The following KLF7 variants were observed in gnomAD, a reference collection of about 807,000 sequenced individuals.
KLF7 encodes KLF transcription factor 7, also known as Krueppel-like factor 7.
In KLF7, 2 loss-of-function variants were observed where a neutral mutation model predicts 27.3. The ratio of observed to expected loss-of-function variants is 0.07; its 90% CI spans 0.03 to 0.23. KLF7 has a LOEUF of 0.23. KLF7 is among the 10% of genes least tolerant of loss of function. The probability of loss-of-function intolerance (pLI) is 1.00; values close to 1 mark genes in which losing one functional copy is unlikely to be tolerated. For missense variants in KLF7, 221 were observed against 394.1 expected (o/e 0.56, Z 3.72); for synonymous variants, 165 against 162.4 (o/e 1.02, Z -0.12).
chr2:207,131,969 C>T (rs569824185), intron 1 of KLF7, among the ~76,000 whole-genome samples: 5 of 152,126 alleles, frequency 3.3e-5, no homozygotes, highest in South Asian at 2.1e-4. Flanking sequence ...GAATCTACCT[C>T]GTGGCAGAAA....
chr2:207,079,784 C>A lies in KLF7; in HGVS notation c.*1429G>T, dbSNP rs533645460. 6.6e-6 allele frequency: 1 copy of A among 152,144 alleles called. No individual in the cohort carries two copies. Among genetic ancestry groups the A allele is most frequent in the Admixed American group, 6.5e-5 (1 of 15,286 alleles). The allele number at this position is 152,144 out of a possible 1,614,324, so 9.4% of individuals were successfully genotyped here. The stretch of plus-strand genomic sequence containing the variant: ...AAGGAAAGAAAGAAACGTGTCTCTC[C>A]TTTTAGACAGCCCATGAGAGAAACA... On this transcript the variant is annotated 3_prime_UTR_variant, in exon 4 of 4. Transcript: ENST00000309446.
chr2:207,123,859 C>T lies in KLF7; in HGVS notation c.648G>A (p.Lys216=). Reference sequence around the variant, plus strand: ...CGTTAAACTGACAGCGGTGAACCCTCTTCTTGTTTTCGGGACATGCTTCAG... The same window carrying T: ...CGTTAAACTGACAGCGGTGAACCCTTTTCTTGTTTTCGGGACATGCTTCAG... ...LGAEACPENK[K]RVHRCQFNGC... is the part of the protein sequence containing the mutation. The change falls in exon 2 of 4, where the codon AAG becomes AAA. Residue 216 remains lysine (K), a synonymous_variant. Coordinates refer to ENST00000309446, the MANE Select transcript of KLF7 (RefSeq NM_003709.4). 6.2e-7 allele frequency: 1 copy of T among 1,614,030 alleles called. No individual in the cohort carries two copies. Among genetic ancestry groups the T allele is most frequent in the Middle Eastern group, 1.7e-4 (1 of 5,942 alleles).
intron 1 of KLF7, among the ~76,000 whole-genome samples, chr2:207,140,629 G>C (rs1236704999): frequency 1.3e-5 from 2 of 152,118 alleles, no homozygotes; most frequent in African/African-American, 4.8e-5. Context: ...CTCTAACCAA[G>C]AGGATCATCA....
intron 2 of KLF7, among the ~76,000 whole-genome samples, chr2:207,115,243 T>C (rs1012085092): frequency 1.3e-5 from 2 of 151,874 alleles, no homozygotes; most frequent in African/African-American, 4.8e-5. Flanking sequence ...TGAGGCTCCA[T>C]AAGGAACCAG....
At chr2:207,154,753 G>T (rs527518953) in intron 1 of KLF7, among the ~76,000 whole-genome samples, 1 of 152,150 alleles carries the variant, frequency 6.6e-6, no homozygotes, top group East Asian at 1.9e-4. Context: ...TTCTTATCAG[G>T]AATTAAGAAC....
rs974894312 is a variant in KLF7 at position 207,076,724 on chromosome 2, G to A, written c.*4489C>T. On this transcript the variant is annotated 3_prime_UTR_variant, in exon 4 of 4. Transcript: ENST00000309446. Reference sequence around the variant, plus strand: ...GAGACATTGATGTATACTCAGGATAGGCCCTCTAGTTTTCAAACTGAGATA... The same window carrying A: ...GAGACATTGATGTATACTCAGGATAAGCCCTCTAGTTTTCAAACTGAGATA... 1 of 152,182 alleles carries A rather than the reference G, an allele frequency of 6.6e-6. No homozygotes were observed. The highest frequency in any genetic ancestry group is 1.5e-5 in the Non-Finnish European group (1 of 68,038). The allele number at this position is 152,182 out of a possible 1,614,324, so 9.4% of individuals were successfully genotyped here. A position where few individuals can be genotyped will look rare whatever the true frequency, so the allele number is the denominator to read the frequency against.
chr2:207,094,016 C>G lies in KLF7; in HGVS notation c.734-5435G>C, dbSNP rs1574434204. ...ATCTCACACATAGGAACCTATCCTC[C>G]TGAGCAATATCCCCTCTGGGAAGCA... is the stretch of plus-strand genomic sequence containing the variant. On this transcript the variant is annotated intron_variant, in intron 2 of 3. Coordinates refer to ENST00000309446, the MANE Select transcript of KLF7 (RefSeq NM_003709.4). Among the ~76,000 whole-genome samples the G allele has an allele frequency of 1.3e-5, 2 of 152,348 alleles. 1 individual carries two copies. Among genetic ancestry groups the G allele is most frequent in the African/African-American group, 4.8e-5 (2 of 41,584 alleles).
At chr2:207,150,317 G>C (rs1456481274) in intron 1 of KLF7, among the ~76,000 whole-genome samples, 2 of 152,118 alleles carry the variant, frequency 1.3e-5, no homozygotes, top group Non-Finnish European at 2.9e-5. Flanking sequence ...AAATTACAAA[G>C]TTTTACGTCC....
intron 1 of KLF7, among the ~76,000 whole-genome samples, chr2:207,164,242 G>A (rs1221240842): frequency 1.3e-5 from 2 of 152,214 alleles, no homozygotes; most frequent in African/African-American, 4.8e-5. Flanking sequence ...AGGAAATTCA[G>A]CCGTTCATTA....
intron 1 of KLF7, among the ~76,000 whole-genome samples, 171 bp downstream of exon 1, chr2:207,165,284 GGGTGGGTGGAGA>G (rs1338686528): frequency 6.6e-6 from 1 of 152,158 alleles, no homozygotes; most frequent in African/African-American, 2.4e-5. Flanking sequence ...ACGAGGTTAG[GGGTGGGTGGAGA>G]GGTAAGCGCA....
chr2:207,149,199 T>C, intron 1 of KLF7: 1 of 1,275,418 alleles, frequency 7.8e-7, no homozygotes, highest in Non-Finnish European at 1.0e-6. Context: ...TTCAATAATT[T>C]TCTGAGGAGA....
At chr2:207,118,172 A>T (rs1300129523) in intron 2 of KLF7, among the ~76,000 whole-genome samples, 1 of 152,220 alleles carries the variant, frequency 6.6e-6, no homozygotes, top group African/African-American at 2.4e-5. Context: ...CCATGTTGTG[A>T]TAATACTGAC....
intron 1 of KLF7, among the ~76,000 whole-genome samples, chr2:207,151,389 G>C (rs987234986): frequency 6.6e-6 from 1 of 151,928 alleles, no homozygotes; most frequent in African/African-American, 2.4e-5. Context: ...TCCGCAAATT[G>C]AGGAGGGCAG....
At chr2:207,171,483 C>T (rs888571407), upstream of KLF7, among the ~76,000 whole-genome samples, 3 of 152,160 alleles carry the variant, frequency 2.0e-5, no homozygotes, top group African/African-American at 7.2e-5. Context: ...TGCTATCAAA[C>T]AGCATTGCAT....
In KLF7 at chr2:207,102,541, A is replaced by G. The variant is rs7599617; in HGVS notation, c.734-13960T>C. Among the ~76,000 whole-genome samples, 851 of 152,334 alleles carry G rather than the reference A, an allele frequency of 5.6e-3. 7 individuals carry two copies. Among genetic ancestry groups the G allele is most frequent in the African/African-American group, 0.02 (813 of 41,566 alleles). ...CAAAATGTAAATTATGTTTCCATTC[A>G]GAACTTAAGCCATTCCACAGAAACC... On this transcript the variant is annotated intron_variant, in intron 2 of 3. Coordinates refer to ENST00000309446, the MANE Select transcript of KLF7 (RefSeq NM_003709.4).
In KLF7 at chr2:207,080,630, A is replaced by G. The variant is rs1209542486; in HGVS notation, c.*583T>C. ...TCTGTGAGGAAGTCTGACGCACGGA[A>G]TAGTAGGACTTTTCACACACAAAGG... On this transcript the variant is annotated 3_prime_UTR_variant, in exon 4 of 4. Transcript: ENST00000309446. The G allele has an allele frequency of 2.6e-6, 1 of 387,268 alleles. No individual in the cohort carries two copies. Among genetic ancestry groups the G allele is most frequent in the East Asian group, 3.7e-5 (1 of 27,356 alleles). The allele number at this position is 387,268 out of a possible 1,614,324, so 24.0% of individuals were successfully genotyped here.
intron 1 of KLF7, among the ~76,000 whole-genome samples, chr2:207,165,160 A>C (rs1574607991): frequency 6.6e-6 from 1 of 152,038 alleles, no homozygotes; most frequent in Non-Finnish European, 1.5e-5. Flanking sequence ...TCCGAACCCC[A>C]GAAGTTCGGC....
chr2:207,134,471 C>A (rs764317320), intron 1 of KLF7, among the ~76,000 whole-genome samples: 17 of 151,988 alleles, frequency 1.1e-4, no homozygotes, highest in Non-Finnish European at 2.1e-4. Context: ...ACTTCCACTG[C>A]GGAATGTTAA....
At chr2:207,164,520 C>T (rs2078642625) in intron 1 of KLF7, among the ~76,000 whole-genome samples, 1 of 149,640 alleles carries the variant, frequency 6.7e-6, no homozygotes, top group South Asian at 2.2e-4. Flanking sequence ...TGAAAAAAAC[C>T]ACTGTTTCCG....
Sources: allele counts gnomAD v4.1 joint callset (sites outside exome capture counted in the v4.1 genomes callset), GRCh38; gene constraint gnomAD v4.1.1; transcripts MANE v1.5; gene names NCBI Gene and HGNC (gene_info 2026-07-23, HGNC 2026-07-21).